PFKFB3: variants seen among roughly 807,000 people sequenced by gnomAD.
The protein encoded by PFKFB3 is 6-phosphofructo-2-kinase/fructose-2,6-biphosphatase 3.
PFKFB3 carries 33 observed loss-of-function variants against 68.0 expected under a neutral mutation model. The observed-to-expected ratio is 0.49, with a 90% CI of 0.37 to 0.65. The LOEUF (loss-of-function observed/expected upper bound fraction) is 0.65. Among genes scored for constraint, PFKFB3 ranks in the 30% least tolerant of loss-of-function variants. The pLI is 0.00. For missense variants in PFKFB3, 586 were observed against 712.2 expected (o/e 0.82, Z 2.02); for synonymous variants, 315 against 288.2 (o/e 1.09, Z -0.94).
the PFKFB3 span, among the ~76,000 whole-genome samples, chr10:6,281,149 G>T: frequency 5.0e-5 from 3 of 60,604 alleles, no homozygotes; most frequent in Non-Finnish European, 5.1e-5. Flanking sequence ...CCTTTTTATG[G>T]CTGATTAGTA....
downstream of PFKFB3, among the ~76,000 whole-genome samples, chr10:6,236,959 C>T (rs1230628972): frequency 6.6e-6 from 1 of 152,202 alleles, no homozygotes; most frequent in Non-Finnish European, 1.5e-5. Flanking sequence ...GGACGTTGTA[C>T]ACACCAGTCG....
At chr10:6,212,906 T>C (rs2131932314) in intron 1 of PFKFB3, among the ~76,000 whole-genome samples, 1 of 152,276 alleles carries the variant, frequency 6.6e-6, no homozygotes, top group Non-Finnish European at 1.5e-5. Flanking sequence ...CTCTGTCTCT[T>C]GACCCCTGGG....
chr10:6,226,512 G>T lies in PFKFB3; in HGVS notation c.1515+147G>T, dbSNP rs567287720. Reference sequence around the variant, plus strand: ...GCGTATGTTGTAGGTGTCTGTGCACGTGTGTTGTGGGGGCATGTGCACACA... The same window carrying T: ...GCGTATGTTGTAGGTGTCTGTGCACTTGTGTTGTGGGGGCATGTGCACACA... On this transcript the variant is annotated intron_variant, in intron 14 of 14. Transcript: ENST00000379775. 1.7e-5 allele frequency: 12 copies of T among 694,222 alleles called. No homozygotes were observed. In the African/African-American group the frequency reaches 2.2e-4, roughly 13 times the overall value. 43.0% of individuals were successfully genotyped at this position (694,222 alleles called of 1,614,324 possible). A position where few individuals can be genotyped will look rare whatever the true frequency, so the allele number is the denominator to read the frequency against.
chr10:6,194,230 G>C (rs977926058), intron 1 of PFKFB3, among the ~76,000 whole-genome samples: 1 of 78,332 alleles, frequency 1.3e-5, no homozygotes, highest in African/African-American at 3.4e-5. Context: ...ATTCCTATTG[G>C]ATAAAAGCTT....
At chr10:6,202,017 A>G (rs1843378735), upstream of PFKFB3, among the ~76,000 whole-genome samples, 1 of 152,216 alleles carries the variant, frequency 6.6e-6, no homozygotes. Flanking sequence ...GAGTCTGCCT[A>G]ATAAGGGGCC....
chr10:6,177,468 C>CT (rs1842551791), intron 1 of PFKFB3, among the ~76,000 whole-genome samples: 1 of 120,672 alleles, frequency 8.3e-6, no homozygotes, highest in South Asian at 2.6e-4. Flanking sequence ...TTCTTTCTTT[C>CT]TTTCTTTCTT....
chr10:6,299,968 CT>C, the PFKFB3 span, among the ~76,000 whole-genome samples: 233 of 48,586 alleles, frequency 4.8e-3, no homozygotes, highest in African/African-American at 0.019. Context: ...GTTCAGAAGA[CT>C]TTTTTTTTTT....
At chr10:6,203,920 C>G (rs1377960116) in intron 1 of PFKFB3, among the ~76,000 whole-genome samples, 2 of 152,324 alleles carry the variant, frequency 1.3e-5, no homozygotes, top group South Asian at 4.1e-4. Flanking sequence ...CTCTCCTTCT[C>G]TCTCTTCCGT....
intron 1 of PFKFB3, among the ~76,000 whole-genome samples, chr10:6,186,896 T>C (rs865849920): frequency 2.6e-5 from 4 of 152,086 alleles, no homozygotes; most frequent in South Asian, 2.1e-4. Flanking sequence ...ACTGCTAGCA[T>C]CCCCCAATAC....
At chr10:6,293,560 G>A in the PFKFB3 span, 2 of 195,636 alleles carry the variant, frequency 1.0e-5, no homozygotes, top group Non-Finnish European at 2.1e-5. Context: ...TGGCCAGGCT[G>A]GTCTCAAACT....
At chr10:6,256,157 T>C (rs537061679), downstream of PFKFB3, among the ~76,000 whole-genome samples, 1 of 152,350 alleles carries the variant, frequency 6.6e-6, no homozygotes, top group South Asian at 2.1e-4. Flanking sequence ...GCCTGTGCCC[T>C]TTGAACCCAC....
intron 1 of PFKFB3, among the ~76,000 whole-genome samples, chr10:6,209,824 GCGTGA>G: frequency 7.0e-6 from 1 of 142,988 alleles, no homozygotes; most frequent in South Asian, 2.2e-4. Flanking sequence ...GAGTGCAGTG[GCGTGA>G]CCTTGGCTCA....
the PFKFB3 span, among the ~76,000 whole-genome samples, chr10:6,299,170 C>T: frequency 6.6e-6 from 1 of 152,242 alleles, no homozygotes; most frequent in Non-Finnish European, 1.5e-5. Flanking sequence ...GGCTCACTCT[C>T]CTAGGGGAGA....
At chr10:6,182,230 C>T (rs1406764581) in intron 1 of PFKFB3, among the ~76,000 whole-genome samples, 2 of 152,094 alleles carry the variant, frequency 1.3e-5, no homozygotes, top group Non-Finnish European at 2.9e-5. Flanking sequence ...CAGCCCGCTT[C>T]TCACCACCCC....
the PFKFB3 span, among the ~76,000 whole-genome samples, chr10:6,269,977 C>T: frequency 6.6e-6 from 1 of 151,926 alleles, no homozygotes; most frequent in Non-Finnish European, 1.5e-5. Context: ...ACTAAAAATA[C>T]AAAAATTAGC....
chr10:6,294,975 G>GTT, the PFKFB3 span, among the ~76,000 whole-genome samples: 4 of 136,670 alleles, frequency 2.9e-5, no homozygotes, highest in Non-Finnish European at 3.2e-5. Flanking sequence ...TTTTTTTTTT[G>GTT]TTTTTTTTTT....
At chr10:6,322,092 T>C in the PFKFB3 span, among the ~76,000 whole-genome samples, 1 of 152,190 alleles carries the variant, frequency 6.6e-6, no homozygotes, top group Non-Finnish European at 1.5e-5. Flanking sequence ...ACATATTCAG[T>C]TGCTGACTCA....
At chr10:6,311,809 C>T in the PFKFB3 span, among the ~76,000 whole-genome samples, 1 of 152,130 alleles carries the variant, frequency 6.6e-6, no homozygotes, top group Non-Finnish European at 1.5e-5. Flanking sequence ...CAATGGTGTG[C>T]AGTAGTAATA....
intron 1 of PFKFB3, among the ~76,000 whole-genome samples, chr10:6,178,483 G>GC (rs1842598157): frequency 6.6e-6 from 1 of 152,194 alleles, no homozygotes; most frequent in Non-Finnish European, 1.5e-5. Flanking sequence ...GGAGCTTTGG[G>GC]GCCAGGAAGG....
Sources: gnomAD v4.1 joint callset for allele counts (sites outside exome capture counted in the v4.1 genomes callset) on GRCh38, gnomAD v4.1.1 for gene constraint, MANE v1.5 for transcripts, NCBI Gene and HGNC (gene_info 2026-07-23, HGNC 2026-07-21) for gene names.